PPP1R1B: variants seen among roughly 807,000 people sequenced by gnomAD.
PPP1R1B encodes protein phosphatase 1 regulatory inhibitor subunit 1B.
PPP1R1B carries 13 observed loss-of-function variants against 28.2 expected under a neutral mutation model. The observed-to-expected ratio is 0.46, with a 90% CI of 0.30 to 0.73. PPP1R1B has a LOEUF of 0.73. PPP1R1B is among the 30% of genes least tolerant of loss of function. PPP1R1B has a pLI of 0.07. For synonymous variants in PPP1R1B, 102 were observed against 97.5 expected (o/e 1.05, Z -0.27); for missense variants, 236 against 256.7 (o/e 0.92, Z 0.55).
chr17:39,633,841 T>C, intron 4 of PPP1R1B, 42 bp from the exon 5 acceptor site: 2 of 1,610,012 alleles, frequency 1.2e-6, no homozygotes, highest in Non-Finnish European at 1.7e-6. Flanking sequence ...CCATGGGCTG[T>C]GTCTAGCTGA....
intron 5 of PPP1R1B, among the ~76,000 whole-genome samples, 184 bp from the exon 6 acceptor site, chr17:39,635,423 T>A (rs374031333): frequency 1.6e-4 from 24 of 152,268 alleles, no homozygotes; most frequent in African/African-American, 5.8e-4. Flanking sequence ...AGAAAGGTAC[T>A]AACTGACTTA....
intron 4 of PPP1R1B, 185 bp downstream of exon 4, chr17:39,630,232 C>T (rs1363162914): frequency 2.5e-5 from 15 of 598,608 alleles, no homozygotes; most frequent in Admixed American, 5.6e-5. Context: ...ACAGGAGTCC[C>T]GAGGCTGCAA....
chr17:39,627,490 C>T lies in PPP1R1B; in HGVS notation c.81+17C>T, dbSNP rs1169176123. 6.7e-7 allele frequency: 1 copy of T among 1,484,658 alleles called. No individual in the cohort carries two copies. Among genetic ancestry groups the T allele is most frequent in the Non-Finnish European group, 9.2e-7 (1 of 1,091,926 alleles). 92.0% of individuals were successfully genotyped at this position (1,484,658 alleles called of 1,614,324 possible). On this transcript the variant is annotated intron_variant, in intron 1 of 6. Coordinates refer to ENST00000254079, the MANE Select transcript of PPP1R1B (RefSeq NM_032192.4). ...GTGGAGATGGTAAGGGGCCCGTGCC[C>T]CACCCCGGCAGCGTACCCGACACAC...
At chr17:39,633,441 C>T in intron 4 of PPP1R1B, 1 of 191,292 alleles carries the variant, frequency 5.2e-6, no homozygotes, top group South Asian at 9.7e-5. Flanking sequence ...TGGGCACCCC[C>T]AAGAAATGGA....
rs535384675 is a variant in PPP1R1B at position 39,629,815 on chromosome 17, C to G, written c.166-157C>G. On this transcript the variant is annotated intron_variant, in intron 3 of 6. Transcript: ENST00000254079. ...AGGCCATGGCTTATGGGGGGCCCCC[C>G]CTAAAGCCACAGGGTGGGGAGGCTC... 6.9e-5 allele frequency: 62 copies of G among 904,934 alleles called. No individual in the cohort carries two copies. The African/African-American group carries it at 7.1e-4, about 10-fold the overall frequency. 56.1% of individuals were successfully genotyped at this position (904,934 alleles called of 1,614,324 possible).
chr17:39,635,677 C>T lies in PPP1R1B; in HGVS notation c.516C>T (p.Ser172=), dbSNP rs752139310. 10 of 1,613,984 alleles carry T rather than the reference C, an allele frequency of 6.2e-6. No individual in the cohort carries two copies. The Admixed American group carries it at 8.3e-5, about 13-fold the overall frequency. The change falls in exon 6 of 7, where the codon TCC becomes TCT. Residue 172 remains serine (S), a synonymous_variant. Transcript: ENST00000254079. ...PWERPPPLDE[S]ERDGGSEDQV... is the part of the protein sequence containing the mutation. ...AGCGCCCACCCCCTCTGGATGAGTC[C>T]GAGAGAGATGGAGGCTCTGAGGACC... is the stretch of plus-strand genomic sequence containing the variant.
chr17:39,631,694 G>A (rs2056879270), intron 4 of PPP1R1B, among the ~76,000 whole-genome samples: 1 of 152,218 alleles, frequency 6.6e-6, no homozygotes, highest in South Asian at 2.1e-4. Context: ...GGAACAGAGA[G>A]GAGAGGCTGG....
chr17:39,627,249 C>A lies in PPP1R1B; in HGVS notation c.-144C>A. 1 of 569,286 alleles carries A rather than the reference C, an allele frequency of 1.8e-6. No individual in the cohort carries two copies. The allele number at this position is 569,286 out of a possible 1,614,324, so 35.3% of individuals were successfully genotyped here. A position where few individuals can be genotyped will look rare whatever the true frequency, so the allele number is the denominator to read the frequency against. On this transcript the variant is annotated 5_prime_UTR_variant, in exon 1 of 7. Coordinates refer to ENST00000254079, the MANE Select transcript of PPP1R1B (RefSeq NM_032192.4). ...TCCCGCTCCCGCGCCCTCCCCTCGGCGGGCACGGTATTTTTATCCGTGCGC... is the reference window on the plus strand; with the variant it reads ...TCCCGCTCCCGCGCCCTCCCCTCGGAGGGCACGGTATTTTTATCCGTGCGC...
At position 39,634,041 on chromosome 17, in the gene PPP1R1B, G is replaced by A; in HGVS notation, c.400G>A (p.Glu134Lys). 6.2e-7 allele frequency: 1 copy of A among 1,613,946 alleles called. No homozygotes were observed. The highest frequency in any genetic ancestry group is 8.5e-7 in the Non-Finnish European group (1 of 1,179,950). Residue 134 changes from glutamate to lysine, a missense_variant, in exon 5 of 7, where the codon GAA becomes AAA. Glu to Lys is a moderately conservative substitution (Grantham distance 56). Coordinates refer to ENST00000254079, the MANE Select transcript of PPP1R1B (RefSeq NM_032192.4). ...GGAGGATGATGAAGAAGAGGAAGAA[G>A]AAGAGGACAGCCAGGCTGAAGTCCT... ...EEEDDEEEEE[E>K]EDSQAEVLKV...
At chr17:39,633,684 C>T (rs1383246232) in intron 4 of PPP1R1B, 199 bp from the exon 5 acceptor site, 6 of 794,488 alleles carry the variant, frequency 7.6e-6, no homozygotes, top group Non-Finnish European at 1.1e-5. Flanking sequence ...ATGATCAAAT[C>T]TACCCCTGGC....
chr17:39,632,443 C>G (rs2056885675), intron 4 of PPP1R1B: 1 of 152,348 alleles, frequency 6.6e-6, no homozygotes, highest in Non-Finnish European at 1.5e-5. Context: ...CCCCCACAGC[C>G]CTCATGGATC....
intron 5 of PPP1R1B, among the ~76,000 whole-genome samples, chr17:39,634,666 G>A (rs2056903840): frequency 6.6e-6 from 1 of 152,238 alleles, no homozygotes; most frequent in Non-Finnish European, 1.5e-5. Flanking sequence ...TTATTTATGG[G>A]AATACTGAAG....
chr17:39,628,932 C>T (rs918724342), intron 1 of PPP1R1B, among the ~76,000 whole-genome samples: 5 of 152,330 alleles, frequency 3.3e-5, no homozygotes, highest in East Asian at 3.9e-4. Flanking sequence ...GGGTTTTTCT[C>T]GTCCTTTGGA....
chr17:39,630,073 G>A lies in PPP1R1B; in HGVS notation c.241+26G>A. On this transcript the variant is annotated intron_variant, in intron 4 of 6. Coordinates refer to ENST00000254079, the MANE Select transcript of PPP1R1B (RefSeq NM_032192.4). ...GTACTATACCCCCACCGACCTTCCTGGCTGTCCGCCTGATCCCTGGAACTG... is the reference window on the plus strand; with the variant it reads ...GTACTATACCCCCACCGACCTTCCTAGCTGTCCGCCTGATCCCTGGAACTG... The A allele has an allele frequency of 1.9e-6, 3 of 1,608,988 alleles. No homozygotes were observed. In the Admixed American group the frequency reaches 5.0e-5, roughly 27 times the overall value.
chr17:39,635,228 C>CA (rs548167800), intron 5 of PPP1R1B, among the ~76,000 whole-genome samples: 14 of 151,018 alleles, frequency 9.3e-5, no homozygotes, highest in Admixed American at 4.6e-4. Context: ...AACAAAACAA[C>CA]AAAAAAAAAC....
At chr17:39,631,026 A>G (rs943564458) in intron 4 of PPP1R1B, among the ~76,000 whole-genome samples, 1 of 152,006 alleles carries the variant, frequency 6.6e-6, no homozygotes, top group African/African-American at 2.4e-5. Context: ...CTGAGATCGC[A>G]CCATTGCACT....
Position 39,629,996 on chromosome 17 carries a change from C to A in PPP1R1B, c.190C>A (p.Leu64Ile), listed in dbSNP as rs377425724. Residue 64 changes from leucine to isoleucine, a missense_variant, in exon 4 of 7, where the codon CTC (leucine) becomes ATC (isoleucine). By Grantham distance (5) the Leu-to-Ile change is conservative. Coordinates refer to ENST00000254079, the MANE Select transcript of PPP1R1B (RefSeq NM_032192.4). ...HQRASGEGHH[L>I]KSKRPNPCAY... is the part of the protein sequence containing the mutation. ...GAGAGCCTCAGGAGAGGGGCACCAT[C>A]TCAAGTCGAAGAGACCCAACCCCTG... is the stretch of plus-strand genomic sequence containing the variant. 1.2e-6 allele frequency: 2 copies of A among 1,614,038 alleles called. No homozygotes were observed. Among genetic ancestry groups the A allele is most frequent in the Admixed American group, 1.7e-5 (1 of 60,012 alleles).
chr17:39,635,772 G>A (rs768039765), intron 6 of PPP1R1B, 44 bp from the exon 7 acceptor site: 40 of 1,612,406 alleles, frequency 2.5e-5, no homozygotes, highest in Non-Finnish European at 3.3e-5. Flanking sequence ...TGGGATCTTG[G>A]TGGGTGGGGC....
rs1597775312 is a variant in PPP1R1B, at chr17:39,627,350, C to A, written c.-43C>A. 3 of 1,420,900 alleles carry A rather than the reference C, an allele frequency of 2.1e-6. No homozygotes were observed. Among genetic ancestry groups the A allele is most frequent in the South Asian group, 2.4e-5 (2 of 84,144 alleles). 88.0% of individuals were successfully genotyped at this position (1,420,900 alleles called of 1,614,324 possible). On this transcript the variant is annotated 5_prime_UTR_variant, in exon 1 of 7. Transcript: ENST00000254079. ...AGCCCAGCACAGACCGCCGCCGGGA[C>A]CCCGAGTCGCGCACCCCAGCCCCAC...
Sources: gnomAD v4.1 joint callset for allele counts (sites outside exome capture counted in the v4.1 genomes callset) on GRCh38, gnomAD v4.1.1 for gene constraint, MANE v1.5 for transcripts, NCBI Gene and HGNC (gene_info 2026-07-23, HGNC 2026-07-21) for gene names.